Variants in CNTNAP2 observed in about 807,000 individuals in gnomAD.
CNTNAP2 encodes the protein contactin associated protein 2, also known as contactin-associated protein-like 2.
A neutral mutation model predicts 155.2 loss-of-function variants in CNTNAP2; 98 were observed. The ratio of observed to expected loss-of-function variants is 0.63; its 90% confidence interval spans 0.54 to 0.75. CNTNAP2 has a LOEUF of 0.75. CNTNAP2 is among the 30% of genes least tolerant of loss of function. CNTNAP2 has a pLI of 0.00. For synonymous variants in CNTNAP2, 651 were observed against 631.2 expected (o/e 1.03, Z -0.47); for missense variants, 1,727 against 1,688.1 (o/e 1.02, Z -0.40).
chr7:147,854,799 A>C (rs1799009288), intron 13 of CNTNAP2, among the ~76,000 whole-genome samples: 1 of 152,168 alleles, frequency 6.6e-6, no homozygotes, highest in Middle Eastern at 3.2e-3. Flanking sequence ...AGGTATGTGC[A>C]TCTACTTTTT....
intron 1 of CNTNAP2, among the ~76,000 whole-genome samples, chr7:146,489,896 CA>C (rs1401295078): frequency 2.0e-5 from 3 of 151,466 alleles, no homozygotes; most frequent in Non-Finnish European, 4.4e-5. Context: ...TTTGAGTATG[CA>C]AAAAAGGTTA....
intron 3 of CNTNAP2, among the ~76,000 whole-genome samples, chr7:146,870,474 C>A (rs578222379): frequency 5.4e-4 from 82 of 152,048 alleles, no homozygotes; most frequent in Non-Finnish European, 7.9e-4. Flanking sequence ...TTCTCTCTTT[C>A]CATTAGTCTA....
At chr7:146,132,499 T>C (rs1454513621) in intron 1 of CNTNAP2, among the ~76,000 whole-genome samples, 4 of 151,798 alleles carry the variant, frequency 2.6e-5, no homozygotes, top group Non-Finnish European at 2.9e-5. Flanking sequence ...TGTGCCATGC[T>C]GGTGCACTGC....
intron 1 of CNTNAP2, among the ~76,000 whole-genome samples, chr7:146,371,363 T>A (rs1795231180): frequency 7.6e-6 from 1 of 131,534 alleles, no homozygotes; most frequent in Non-Finnish European, 1.6e-5. Flanking sequence ...ATGCCAGTAT[T>A]AGTTTTTTTT....
chr7:147,445,700 C>A (rs1410388125), intron 10 of CNTNAP2, among the ~76,000 whole-genome samples: 2 of 152,180 alleles, frequency 1.3e-5, no homozygotes, highest in Admixed American at 1.3e-4. Flanking sequence ...ATTCTCCTTT[C>A]AGAATACTCT....
chr7:146,265,862 G>A (rs771903756), intron 1 of CNTNAP2, among the ~76,000 whole-genome samples: 53 of 151,844 alleles, frequency 3.5e-4, no homozygotes, highest in East Asian at 1.8e-3. Context: ...TTGGGTTTTC[G>A]TAGTTGTTTT....
Position 147,485,970 on chromosome 7 carries a change from G to T in CNTNAP2, c.1706G>T (p.Cys569Phe). 6.2e-7 allele frequency: 1 copy of T among 1,614,086 alleles called. No homozygotes were observed. Among genetic ancestry groups the T allele is most frequent in the African/African-American group, 1.3e-5 (1 of 75,012 alleles). ...VPNHCEHGGK[C>F]SQTWDSFKCT... is the part of the protein sequence containing the mutation. ...AATCACTGTGAGCATGGTGGAAAGT[G>T]CTCGCAAACATGGGACAGCTTCAAA... The change falls in exon 11 of 24, where the codon TGC (cysteine) becomes TTC (phenylalanine). Residue 569 changes from cysteine to phenylalanine, a missense_variant. Coordinates refer to ENST00000361727, the MANE Select transcript of CNTNAP2 (RefSeq NM_014141.6).
intron 13 of CNTNAP2, among the ~76,000 whole-genome samples, chr7:147,854,504 A>T (rs1027398447): frequency 6.6e-6 from 1 of 152,128 alleles, no homozygotes; most frequent in Non-Finnish European, 1.5e-5. Context: ...AGGATACATG[A>T]AGTCATTACA....
chr7:148,058,440 G>A (rs1044763607), intron 15 of CNTNAP2, among the ~76,000 whole-genome samples: 21 of 152,192 alleles, frequency 1.4e-4, no homozygotes, highest in African/African-American at 4.8e-4. Context: ...TGGGTGGCTT[G>A]TAGGAGATGA....
At chr7:146,183,244 G>GCTTC (rs1432455796) in intron 1 of CNTNAP2, among the ~76,000 whole-genome samples, 28 of 152,240 alleles carry the variant, frequency 1.8e-4, no homozygotes, top group African/African-American at 6.3e-4. Context: ...ATAAGGAGAA[G>GCTTC]AAACCAGAAC....
chr7:146,158,968 A>C (rs1473196627), intron 1 of CNTNAP2, among the ~76,000 whole-genome samples: 3 of 152,214 alleles, frequency 2.0e-5, no homozygotes, highest in Admixed American at 2.0e-4. Flanking sequence ...AATGAAGGAA[A>C]AAATGTTAAG....
At chr7:147,599,481 C>T (rs1411285639) in intron 12 of CNTNAP2, among the ~76,000 whole-genome samples, 1 of 94,810 alleles carries the variant, frequency 1.1e-5, no homozygotes, top group Non-Finnish European at 2.1e-5. Context: ...AACTCTGTCT[C>T]AAAAAAAAAA....
chr7:147,756,302 T>C (rs1200317718), intron 13 of CNTNAP2, among the ~76,000 whole-genome samples: 5 of 152,184 alleles, frequency 3.3e-5, no homozygotes, highest in African/African-American at 1.2e-4. Context: ...TACAGCTTTT[T>C]TTTCCCCACT....
At chr7:146,341,439 T>C (rs376924430) in intron 1 of CNTNAP2, among the ~76,000 whole-genome samples, 1 of 152,240 alleles carries the variant, frequency 6.6e-6, no homozygotes, top group East Asian at 1.9e-4. Flanking sequence ...AAGTTCTGAT[T>C]ATTACATATT....
intron 1 of CNTNAP2, among the ~76,000 whole-genome samples, chr7:146,270,168 T>C (rs912338019): frequency 6.6e-6 from 1 of 152,214 alleles, no homozygotes; most frequent in Non-Finnish European, 1.5e-5. Flanking sequence ...AGTCTAATCA[T>C]GTTGTTCGTC....
rs10264704 is a variant in CNTNAP2 at position 148,080,685 on chromosome 7, G to A, written c.2384-37433G>A. Reference sequence around the variant, plus strand: ...CCTACCTATGCCTTGCCAAAGAATGGTAATAATCCAAAAACTGTTTAATTT... The same window carrying A: ...CCTACCTATGCCTTGCCAAAGAATGATAATAATCCAAAAACTGTTTAATTT... On this transcript the variant is annotated intron_variant, in intron 15 of 23. Coordinates refer to ENST00000361727, the MANE Select transcript of CNTNAP2 (RefSeq NM_014141.6). Among the ~76,000 whole-genome samples, 1,437 of 151,932 alleles carry A rather than the reference G, an allele frequency of 9.5e-3. 28 individuals carry two copies. Among genetic ancestry groups the A allele is most frequent in the African/African-American group, 0.033 (1,357 of 41,410 alleles).
intron 1 of CNTNAP2, among the ~76,000 whole-genome samples, chr7:146,266,474 T>A (rs1048554059): frequency 3.3e-5 from 5 of 152,158 alleles, no homozygotes; most frequent in Non-Finnish European, 7.3e-5. Flanking sequence ...TAAGGCATGG[T>A]TTGGGATCAC....
intron 4 of CNTNAP2, among the ~76,000 whole-genome samples, chr7:147,087,439 A>T (rs539044848): frequency 6.6e-6 from 1 of 152,156 alleles, no homozygotes; most frequent in Non-Finnish European, 1.5e-5. Context: ...ATTTGTGTGT[A>T]GCGAAAGTGG....
At chr7:147,339,199 A>T (rs1238782283) in intron 9 of CNTNAP2, among the ~76,000 whole-genome samples, 1 of 123,940 alleles carries the variant, frequency 8.1e-6, no homozygotes, top group Non-Finnish European at 1.6e-5. Context: ...TTGCTTCCAA[A>T]AAAAATGATA....
Sources: gnomAD v4.1 joint callset for allele counts (sites outside exome capture counted in the v4.1 genomes callset) on GRCh38, gnomAD v4.1.1 for gene constraint, MANE v1.5 for transcripts, NCBI Gene and HGNC (gene_info 2026-07-23, HGNC 2026-07-21) for gene names.